Variants in CEP97 observed in about 807,000 individuals in gnomAD.
CEP97 encodes the protein centrosomal protein of 97 kDa.
In CEP97, 43 loss-of-function variants were observed where a neutral mutation model predicts 73.1. The observed-to-expected ratio is 0.59, with a 90% CI of 0.46 to 0.76. CEP97 has a LOEUF of 0.76. Ranked by LOEUF, CEP97 falls within the 30% of genes least tolerant of loss-of-function variation. The pLI, the probability that CEP97 is intolerant of heterozygous loss-of-function variation, is 0.00. For missense variants in CEP97, 939 were observed against 1,014.0 expected, an observed-to-expected ratio of 0.93 and a Z score of 1.00; for synonymous variants, 337 against 370.0, an observed-to-expected ratio of 0.91 and a Z score of 1.02.
At chr3:101,740,314 A>T (rs1938409657) in intron 6 of CEP97, among the ~76,000 whole-genome samples, 1 of 152,208 alleles carries the variant, frequency 6.6e-6, no homozygotes, top group Admixed American at 6.5e-5. Context: ...AATCACAAGC[A>T]TTCCTATACA....
At chr3:101,747,619 C>T (rs1267895431) in intron 6 of CEP97, among the ~76,000 whole-genome samples, 5 of 149,874 alleles carry the variant, frequency 3.3e-5, no homozygotes, top group South Asian at 2.1e-4. Flanking sequence ...TGCAGTGGTG[C>T]GATCTCGGCT....
chr3:101,764,438 C>T (rs1011223016), intron 10 of CEP97, among the ~76,000 whole-genome samples: 4 of 152,076 alleles, frequency 2.6e-5, no homozygotes, highest in Non-Finnish European at 5.9e-5. Flanking sequence ...ATGGGGAAAC[C>T]CTGTCTCTAC....
intron 6 of CEP97, among the ~76,000 whole-genome samples, chr3:101,740,267 T>G (rs889410859): frequency 1.3e-5 from 2 of 152,186 alleles, no homozygotes; most frequent in African/African-American, 4.8e-5. Flanking sequence ...GATAAGCAAC[T>G]TCAGCAAAGT....
chr3:101,736,130 C>A (rs911421538), intron 6 of CEP97, among the ~76,000 whole-genome samples: 3 of 152,186 alleles, frequency 2.0e-5, no homozygotes, highest in Non-Finnish European at 4.4e-5. Flanking sequence ...CTGCTGTAGC[C>A]GGACTGCTTC....
At chr3:101,738,904 T>C (rs1166798037) in intron 6 of CEP97, among the ~76,000 whole-genome samples, 2 of 152,134 alleles carry the variant, frequency 1.3e-5, no homozygotes, top group African/African-American at 4.8e-5. Context: ...AGCTGGTTTT[T>C]TGAAAAGATC....
chr3:101,753,709 G>C (rs1477798576), intron 6 of CEP97, among the ~76,000 whole-genome samples: 5 of 152,178 alleles, frequency 3.3e-5, no homozygotes, highest in African/African-American at 9.6e-5. Context: ...CTCCGAGCCA[G>C]GTGCGGGATA....
chr3:101,727,979 C>T (rs1937955707), intron 3 of CEP97, among the ~76,000 whole-genome samples: 1 of 152,108 alleles, frequency 6.6e-6, no homozygotes, highest in African/African-American at 2.4e-5. Flanking sequence ...ACTAGATTAC[C>T]AATAGCTGCC....
intron 4 of CEP97, among the ~76,000 whole-genome samples, chr3:101,731,192 CTTTT>C (rs35988030): frequency 8.1e-6 from 1 of 123,256 alleles, no homozygotes; most frequent in Admixed American, 8.5e-5. Context: ...GTTTTAATGA[CTTTT>C]TTTTTTTTTT....
At position 101,726,726 on chromosome 3, in the gene CEP97, G is replaced by T. The variant is rs111912421; in HGVS notation, c.176G>T (p.Arg59Leu). ...IKLENLEKCK[R>L]LIQLSVANNR... ...TTGGAAAATCTGGAGAAATGCAAAC[G>T]ATTAATACAGGTAGGTATTGCAATC... Residue 59 changes from arginine (R) to leucine (L), a missense_variant, in exon 2 of 11, where the codon CGA (arginine) becomes CTA (leucine). Transcript: ENST00000341893. 3 of 1,601,658 alleles carry T rather than the reference G, an allele frequency of 1.9e-6. No homozygotes were observed. Among genetic ancestry groups the T allele is most frequent in the South Asian group, 2.2e-5 (2 of 89,678 alleles).
chr3:101,728,706 G>T, intron 3 of CEP97, 130 bp from the exon 4 acceptor site: 2 of 639,490 alleles, frequency 3.1e-6, no homozygotes, highest in Non-Finnish European at 5.5e-6. Flanking sequence ...CTTTTCTCTT[G>T]CTAAGTTCTT....
In CEP97 at chr3:101,757,286, A is replaced by G. The variant is rs909995611; in HGVS notation, c.1027+90A>G. 9 of 1,438,866 alleles carry G rather than the reference A, an allele frequency of 6.3e-6. No individual in the cohort carries two copies. In the East Asian group the frequency reaches 2.1e-4, roughly 34 times the overall value. 89.1% of individuals were successfully genotyped at this position (1,438,866 alleles called of 1,614,324 possible). A position where few individuals can be genotyped will look rare whatever the true frequency, so the allele number is the denominator to read the frequency against. On this transcript the variant is annotated intron_variant, in intron 8 of 10. Coordinates refer to ENST00000341893, the MANE Select transcript of CEP97 (RefSeq NM_024548.4). ...GCAGAAAAAGGTGCATATTTTCATA[A>G]TTTTTTGTTAGTTTACTAACTTCAG...
chr3:101,738,415 C>A (rs984576611), intron 6 of CEP97, among the ~76,000 whole-genome samples: 5 of 152,200 alleles, frequency 3.3e-5, no homozygotes, highest in African/African-American at 1.2e-4. Context: ...CCACATCACA[C>A]TTATTCTAAA....
intron 6 of CEP97, among the ~76,000 whole-genome samples, chr3:101,733,291 C>T (rs1938171199): frequency 6.6e-6 from 1 of 152,070 alleles, no homozygotes; most frequent in African/African-American, 2.4e-5. Flanking sequence ...GATCTCAGAT[C>T]AGTCTCACAA....
At position 101,763,139 on chromosome 3, in the gene CEP97, G is replaced by T. The variant is rs1381354278; in HGVS notation, c.1893+579G>T. 4.9e-6 allele frequency: 6 copies of T among 1,220,660 alleles called. No individual in the cohort carries two copies. In the East Asian group the frequency reaches 3.5e-4, roughly 70 times the overall value. The allele number at this position is 1,220,660 out of a possible 1,614,324, so 75.6% of individuals were successfully genotyped here. A position where few individuals can be genotyped will look rare whatever the true frequency, so the allele number is the denominator to read the frequency against. ...GGGTCTTGCCATATTGCCCAGGCCG[G>T]TCTCAAACTTCTGGGCTCAAGCAGT... On this transcript the variant is annotated intron_variant, in intron 10 of 10. Coordinates refer to ENST00000341893, the MANE Select transcript of CEP97 (RefSeq NM_024548.4).
chr3:101,765,602 C>A lies in CEP97; in HGVS notation c.*51C>A. 1 of 1,476,750 alleles carries A rather than the reference C, an allele frequency of 6.8e-7. No individual in the cohort carries two copies. The highest frequency in any genetic ancestry group is 9.1e-7 in the Non-Finnish European group (1 of 1,093,172). The allele number at this position is 1,476,750 out of a possible 1,614,324, so 91.5% of individuals were successfully genotyped here. Reference sequence around the variant, plus strand: ...ACTTAACTTTTCTTAAAAATACTTTCAGTTGCCTTTGCTTTTTTTTGGAGG... The same window carrying A: ...ACTTAACTTTTCTTAAAAATACTTTAAGTTGCCTTTGCTTTTTTTTGGAGG... On this transcript the variant is annotated 3_prime_UTR_variant, in exon 11 of 11. Coordinates refer to ENST00000341893, the MANE Select transcript of CEP97 (RefSeq NM_024548.4).
chr3:101,751,319 A>G (rs1938812152), intron 6 of CEP97, among the ~76,000 whole-genome samples: 1 of 151,894 alleles, frequency 6.6e-6, no homozygotes, highest in South Asian at 2.1e-4. Context: ...TGCTGAGGAG[A>G]GCTTTACTTC....
At chr3:101,751,461 G>A (rs1279424700) in intron 6 of CEP97, among the ~76,000 whole-genome samples, 2 of 152,110 alleles carry the variant, frequency 1.3e-5, no homozygotes, top group African/African-American at 4.8e-5. Context: ...CAATTCCTGG[G>A]TATGCTTGTT....
intron 6 of CEP97, 44 bp downstream of exon 6, chr3:101,732,698 C>T (rs1938152095): frequency 6.6e-7 from 1 of 1,515,092 alleles, no homozygotes; most frequent in Non-Finnish European, 9.0e-7. Context: ...CTGAAAAGAC[C>T]ATTTCTAGTT....
chr3:101,759,389 C>T lies in CEP97; in HGVS notation c.1817+966C>T, dbSNP rs540947422. The T allele has an allele frequency of 4.6e-5, 7 of 152,192 alleles. 1 individual carries two copies. The South Asian group carries it at 6.2e-4, about 14-fold the overall frequency. The allele number at this position is 152,192 out of a possible 1,614,324, so 9.4% of individuals were successfully genotyped here. ...ACACATATGAAGTATTGCCAACTGA[C>T]GAAAGTTACCTCATCTTTGGTGTCC... On this transcript the variant is annotated intron_variant, in intron 9 of 10. Coordinates refer to ENST00000341893, the MANE Select transcript of CEP97 (RefSeq NM_024548.4).
Sources: allele counts gnomAD v4.1 joint callset (sites outside exome capture counted in the v4.1 genomes callset), GRCh38; gene constraint gnomAD v4.1.1; transcripts MANE v1.5; gene names NCBI Gene and HGNC (gene_info 2026-07-23, HGNC 2026-07-21).